THOP1: variants seen among roughly 807,000 people sequenced by gnomAD.
THOP1 encodes the protein thimet oligopeptidase 1, also known as thimet oligopeptidase.
THOP1 carries 49 observed loss-of-function variants against 71.8 expected under a neutral mutation model. The ratio of observed to expected loss-of-function variants is 0.68; its 90% CI spans 0.54 to 0.87. THOP1 has a LOEUF of 0.87. THOP1 is among the 40% of genes least tolerant of loss of function. The pLI, the probability that THOP1 is intolerant of heterozygous loss-of-function variation, is 0.00. For synonymous variants in THOP1, 426 were observed against 421.5 expected (o/e 1.01, Z -0.13); for missense variants, 843 against 975.6 (o/e 0.86, Z 1.81).
At chr19:2,802,640 T>C (rs1312686497) in intron 5 of THOP1, among the ~76,000 whole-genome samples, 1 of 152,136 alleles carries the variant, frequency 6.6e-6, no homozygotes, top group African/African-American at 2.4e-5. Flanking sequence ...ATTAAGTTCC[T>C]GGTGCATTTT....
chr19:2,803,470 C>A (rs931846437), intron 5 of THOP1, among the ~76,000 whole-genome samples: 1 of 152,182 alleles, frequency 6.6e-6, no homozygotes, highest in African/African-American at 2.4e-5. Flanking sequence ...AGAGCAAGAC[C>A]CTTTTTCTAA....
chr19:2,796,066 A>G lies in THOP1; in HGVS notation c.379-15A>G, dbSNP rs1024464711. 1 of 1,607,854 alleles carries G rather than the reference A, an allele frequency of 6.2e-7. No individual in the cohort carries two copies. The highest frequency in any genetic ancestry group is 8.5e-7 in the Non-Finnish European group (1 of 1,174,818). Reference sequence around the variant, plus strand: ...ACTGGCCCACGTCCTACATGCTTTGATGTTTTTATTCCAGGAGAAAGTTCA... The same window carrying G: ...ACTGGCCCACGTCCTACATGCTTTGGTGTTTTTATTCCAGGAGAAAGTTCA... On this transcript the variant is annotated splice_polypyrimidine_tract_variant and intron_variant, in intron 3 of 12. Coordinates refer to ENST00000307741, the MANE Select transcript of THOP1 (RefSeq NM_003249.5).
rs765041446 is a variant in THOP1 at position 2,804,233 on chromosome 19, G to A, written c.590-783G>A. 2.0e-5 allele frequency among the ~76,000 whole-genome samples: 3 copies of A among 152,192 alleles called. No individual in the cohort carries two copies. Among genetic ancestry groups the A allele is most frequent in the Non-Finnish European group, 2.9e-5 (2 of 68,026 alleles). ...GAGGGTTTCAGTCCGGGATGCTGCC[G>A]CCCCCACTTCTCTTGAGGCTGTCGG... On this transcript the variant is annotated intron_variant, in intron 5 of 12. Coordinates refer to ENST00000307741, the MANE Select transcript of THOP1 (RefSeq NM_003249.5). This position sits in a 1 kb window ranked among gnomAD's most constrained non-coding sequence, Gnocchi z 4.7.
chr19:2,802,498 C>CCGACACCAACACCTCA, intron 5 of THOP1, among the ~76,000 whole-genome samples: 1 of 147,270 alleles, frequency 6.8e-6, no homozygotes, highest in Admixed American at 6.7e-5. Flanking sequence ...CCAACACCTC[C>CCGACACCAACACCTCA]CGACACCAAC....
chr19:2,808,326 C>A lies in THOP1; in HGVS notation c.1337C>A (p.Ala446Glu). 6.3e-7 allele frequency: 1 copy of A among 1,597,628 alleles called. No individual in the cohort carries two copies. Among genetic ancestry groups the A allele is most frequent in the Non-Finnish European group, 8.5e-7 (1 of 1,172,620 alleles). The change falls in exon 9 of 13, where the codon GCG (alanine) becomes GAG (glutamate). Residue 446 changes from alanine (A) to glutamate (E), a missense_variant. Transcript: ENST00000307741. ...RQDGSRQIAIAAMVANFTKPT... is the reference protein window; with the variant it reads ...RQDGSRQIAIEAMVANFTKPT... Reference sequence around the variant, plus strand: ...GATGGGAGCCGCCAGATCGCCATCGCGGCCATGGTGGCCAACTTCACCAAG... The same window carrying A: ...GATGGGAGCCGCCAGATCGCCATCGAGGCCATGGTGGCCAACTTCACCAAG...
At position 2,804,185 on chromosome 19, in the gene THOP1, C is replaced by G. The variant is rs980581687; in HGVS notation, c.590-831C>G. On this transcript the variant is annotated intron_variant, in intron 5 of 12. Transcript: ENST00000307741. The surrounding 1 kb of genome is among the most constrained non-coding windows in gnomAD (Gnocchi z 4.7). ...GAGGCACGGTGGCCCTGGCGTCTCC[C>G]GAGCCATGAGGTAGGAACCCCAGAG... 6.6e-6 allele frequency among the ~76,000 whole-genome samples: 1 copy of G among 152,154 alleles called. No individual in the cohort carries two copies. The highest frequency in any genetic ancestry group is 1.5e-5 in the Non-Finnish European group (1 of 68,024).
At chr19:2,793,118 T>C (rs1356189547) in intron 2 of THOP1, among the ~76,000 whole-genome samples, 1 of 150,178 alleles carries the variant, frequency 6.7e-6, no homozygotes, top group Non-Finnish European at 1.5e-5. Flanking sequence ...GAGGTGGCGG[T>C]GAGCCGAGAT....
intron 4 of THOP1, 89 bp from the exon 5 acceptor site, chr19:2,799,600 C>T: frequency 9.6e-7 from 1 of 1,044,010 alleles, no homozygotes. Context: ...AATCCCTCAG[C>T]CCTCGGCGAG....
chr19:2,813,959 A>G lies in THOP1; in HGVS notation c.*683A>G, dbSNP rs113301220. The G allele has an allele frequency of 0.053, 8,032 of 152,606 alleles. 682 individuals carry two copies. Among genetic ancestry groups the G allele is most frequent in the African/African-American group, 0.18 (7,581 of 41,508 alleles). The allele number at this position is 152,606 out of a possible 1,614,324, so 9.5% of individuals were successfully genotyped here. A position where few individuals can be genotyped will look rare whatever the true frequency, so the allele number is the denominator to read the frequency against. On this transcript the variant is annotated 3_prime_UTR_variant, in exon 13 of 13. Coordinates refer to ENST00000307741, the MANE Select transcript of THOP1 (RefSeq NM_003249.5). ...GGCAGCCGGGGCGGGGCTGGGGGTCAGCAGCTGCCCACCCTCTCATCCACA... is the reference window on the plus strand; with the variant it reads ...GGCAGCCGGGGCGGGGCTGGGGGTCGGCAGCTGCCCACCCTCTCATCCACA...
rs537212075 is a variant in THOP1 at position 2,791,134 on chromosome 19, C to T, written c.229+501C>T. ...TCCGGCGGGGGTGACCTCATGTCCTCGGGCGTCCTCCTCACCCTCAGCCCG... is the reference window on the plus strand; with the variant it reads ...TCCGGCGGGGGTGACCTCATGTCCTTGGGCGTCCTCCTCACCCTCAGCCCG... On this transcript the variant is annotated intron_variant, in intron 2 of 12. Coordinates refer to ENST00000307741, the MANE Select transcript of THOP1 (RefSeq NM_003249.5). Among the ~76,000 whole-genome samples the T allele has an allele frequency of 5.3e-5, 8 of 152,336 alleles. No homozygotes were observed. The East Asian group carries it at 1.2e-3, about 22-fold the overall frequency.
At position 2,807,767 on chromosome 19, in the gene THOP1, G is replaced by A. The variant is rs1416119018; in HGVS notation, c.1212G>A (p.Ser404=). Residue 404 remains serine, a synonymous_variant, in exon 8 of 13, where the codon TCG becomes TCA. Transcript: ENST00000307741. The part of the protein sequence containing the change: ...VRLYTARDAA[S]GEVVGKFYLD... ...TCTACACCGCGAGGGACGCGGCCTC[G>A]GGGGAGGTGGTCGGCAAGTTCTACC... 23 of 1,539,846 alleles carry A rather than the reference G, an allele frequency of 1.5e-5. No homozygotes were observed. Among genetic ancestry groups the A allele is most frequent in the East Asian group, 2.3e-5 (1 of 43,754 alleles).
chr19:2,787,484 G>A (rs1431684716), intron 1 of THOP1, among the ~76,000 whole-genome samples: 1 of 152,150 alleles, frequency 6.6e-6, no homozygotes, highest in African/African-American at 2.4e-5. Context: ...GACAGTTCCA[G>A]TTCCCATCCA....
intron 2 of THOP1, among the ~76,000 whole-genome samples, chr19:2,793,868 T>C (rs1017990875): frequency 2.0e-5 from 3 of 152,168 alleles, no homozygotes; most frequent in African/African-American, 7.2e-5. Flanking sequence ...CACTCGTGGA[T>C]GGACCTTTTG....
At chr19:2,794,653 G>A (rs1915967817) in intron 2 of THOP1, 111 bp from the exon 3 acceptor site, 1 of 1,340,884 alleles carries the variant, frequency 7.5e-7, no homozygotes, top group African/African-American at 1.4e-5. Flanking sequence ...AGGCAGGAGA[G>A]AGTTCACGGG....
At chr19:2,798,369 T>A (rs535859137) in intron 4 of THOP1, among the ~76,000 whole-genome samples, 82 of 152,252 alleles carry the variant, frequency 5.4e-4, no homozygotes, top group Non-Finnish European at 1.0e-3. Flanking sequence ...ATGCCCAGCA[T>A]GTGTGGCCAT....
In THOP1 at chr19:2,804,612, G is replaced by A. The variant is rs1327317272; in HGVS notation, c.590-404G>A. 5.9e-6 allele frequency: 1 copy of A among 168,928 alleles called. No individual in the cohort carries two copies. The highest frequency in any genetic ancestry group is 1.3e-5 in the Non-Finnish European group (1 of 79,568). 10.5% of individuals were successfully genotyped at this position (168,928 alleles called of 1,614,324 possible). On this transcript the variant is annotated intron_variant, in intron 5 of 12. Coordinates refer to ENST00000307741, the MANE Select transcript of THOP1 (RefSeq NM_003249.5). This position sits in a 1 kb window ranked among gnomAD's most constrained non-coding sequence, Gnocchi z 4.7. ...TCTAACGCTGGTTTCCTTGTGCAGTGGCCGGGCCACCCTTCCCGCCACCCT... is the reference window on the plus strand; with the variant it reads ...TCTAACGCTGGTTTCCTTGTGCAGTAGCCGGGCCACCCTTCCCGCCACCCT...
chr19:2,811,536 C>A, intron 11 of THOP1, 62 bp from the exon 12 acceptor site: 1 of 1,563,664 alleles, frequency 6.4e-7, no homozygotes. Flanking sequence ...TGGTTGTCTT[C>A]TCCTGGAGGA....
rs982233147 is a variant in THOP1 at position 2,805,684 on chromosome 19, G to A, written c.750+508G>A. ...GGTGGTCTCTGCACGTCTCCCATTC[G>A]CCATCTGGAACAGGCAGAGGCTCTA... On this transcript the variant is annotated intron_variant, in intron 6 of 12. Transcript: ENST00000307741. This position sits in a 1 kb window ranked among gnomAD's most constrained non-coding sequence, Gnocchi z 6.6. Among the ~76,000 whole-genome samples, 4 of 152,116 alleles carry A rather than the reference G, an allele frequency of 2.6e-5. No individual in the cohort carries two copies. Among genetic ancestry groups the A allele is most frequent in the African/African-American group, 4.8e-5 (2 of 41,416 alleles).
rs1051298813 is a variant in THOP1 at position 2,813,367 on chromosome 19, G to A, written c.*91G>A. 3 of 1,420,400 alleles carry A rather than the reference G, an allele frequency of 2.1e-6. No homozygotes were observed. Among genetic ancestry groups the A allele is most frequent in the African/African-American group, 2.9e-5 (2 of 69,970 alleles). 88.0% of individuals were successfully genotyped at this position (1,420,400 alleles called of 1,614,324 possible). A position where few individuals can be genotyped will look rare whatever the true frequency, so the allele number is the denominator to read the frequency against. On this transcript the variant is annotated 3_prime_UTR_variant, in exon 13 of 13. Coordinates refer to ENST00000307741, the MANE Select transcript of THOP1 (RefSeq NM_003249.5). ...ACAGGATGGGGCAGGCTCTGGCACA[G>A]TGCCTGGGACTGGCAGGGTGGCTGA...
Sources: allele counts gnomAD v4.1 joint callset (sites outside exome capture counted in the v4.1 genomes callset), GRCh38; gene constraint gnomAD v4.1.1; non-coding constraint Gnocchi (gnomAD v3.1); transcripts MANE v1.5; gene names NCBI Gene and HGNC (gene_info 2026-07-23, HGNC 2026-07-21).